PAPPA2: variants seen among roughly 807,000 people sequenced by gnomAD.
PAPPA2 encodes pappalysin 2, also known as pappalysin-2.
In PAPPA2, 86 loss-of-function variants were observed where a neutral mutation model predicts 176.4. The observed-to-expected ratio is 0.49, with a 90% confidence interval of 0.41 to 0.58. The LOEUF is 0.58. PAPPA2 is among the 20% of genes least tolerant of loss of function. PAPPA2 has a pLI of 0.00. For synonymous variants in PAPPA2, 809 were observed against 852.2 expected (o/e 0.95, Z 0.88); for missense variants, 2,073 against 2,256.9 (o/e 0.92, Z 1.65).
At chr1:176,794,992 CA>C (rs1450179421) in intron 20 of PAPPA2, among the ~76,000 whole-genome samples, 3 of 152,130 alleles carry the variant, frequency 2.0e-5, no homozygotes, top group Non-Finnish European at 4.4e-5. Context: ...GCAGTTGCGA[CA>C]GGCAGGGGGC....
intron 3 of PAPPA2, among the ~76,000 whole-genome samples, chr1:176,656,060 T>C (rs1658013701): frequency 6.6e-6 from 1 of 151,786 alleles, no homozygotes; most frequent in Non-Finnish European, 1.5e-5. Context: ...TTTTCAGAAA[T>C]AGATTTCTGA....
chr1:176,671,497 G>A (rs1277952824), intron 4 of PAPPA2, among the ~76,000 whole-genome samples: 1 of 152,106 alleles, frequency 6.6e-6, no homozygotes, highest in Non-Finnish European at 1.5e-5. Context: ...AAGACTGATG[G>A]GCTTCTTGTA....
chr1:176,740,174 G>C lies in PAPPA2; in HGVS notation c.4129G>C (p.Gly1377Arg), dbSNP rs868681972. 6 of 1,613,644 alleles carry C rather than the reference G, an allele frequency of 3.7e-6. No individual in the cohort carries two copies. The highest frequency in any genetic ancestry group is 5.1e-6 in the Non-Finnish European group (6 of 1,179,796). ...APSNCISEDE[G>R]QNHQGQSCIH... ...CAGTAACTGCATCTCAGAGGACGAG[G>C]GGCAGAATCATCAGGGACAGAGGTA... The change falls in exon 14 of 23, where the codon GGG becomes CGG. Residue 1377 changes from glycine to arginine, a missense_variant. Coordinates refer to ENST00000367662, the MANE Select transcript of PAPPA2 (RefSeq NM_020318.3).
chr1:176,521,245 A>G (rs1334485480), intron 1 of PAPPA2, among the ~76,000 whole-genome samples: 2 of 152,216 alleles, frequency 1.3e-5, no homozygotes, highest in Non-Finnish European at 2.9e-5. Flanking sequence ...GACTTCGCCA[A>G]TATAATGTAG....
intron 7 of PAPPA2, among the ~76,000 whole-genome samples, chr1:176,697,585 T>G (rs916310491): frequency 2.0e-5 from 3 of 152,200 alleles, no homozygotes; most frequent in African/African-American, 4.8e-5. Context: ...AACTATTTTC[T>G]AAATGCTATG....
intron 3 of PAPPA2, among the ~76,000 whole-genome samples, chr1:176,613,507 A>G (rs1425607753): frequency 6.6e-6 from 1 of 152,198 alleles, no homozygotes; most frequent in East Asian, 1.9e-4. Context: ...GGTATTAGGC[A>G]AGAAGCAGAG....
At chr1:176,587,130 GTTGT>G (rs1400634988) in intron 2 of PAPPA2, among the ~76,000 whole-genome samples, 14 of 151,586 alleles carry the variant, frequency 9.2e-5, no homozygotes, top group South Asian at 8.3e-4. Flanking sequence ...TTTTTGATGG[GTTGT>G]TTGTTTTTTT....
In PAPPA2 at chr1:176,556,890, A is replaced by T; in HGVS notation, c.568A>T (p.Arg190Trp). The T allele has an allele frequency of 6.2e-7, 1 of 1,614,096 alleles. No individual in the cohort carries two copies. Among genetic ancestry groups the T allele is most frequent in the Non-Finnish European group, 8.5e-7 (1 of 1,180,018 alleles). ...LNEPKPETQR[R>W]GWAKSRQRRQ... Reference sequence around the variant, plus strand: ...CGAACCCAAACCAGAGACCCAAAGGAGGGGCTGGGCCAAGTCCAGGCAGCG... The same window carrying T: ...CGAACCCAAACCAGAGACCCAAAGGTGGGGCTGGGCCAAGTCCAGGCAGCG... The change falls in exon 2 of 23, where the codon AGG becomes TGG. Residue 190 changes from arginine (R) to tryptophan (W), a missense_variant. By Grantham distance (101) the Arg-to-Trp change is moderately radical. This residue lies in a region of PAPPA2 where 1,196 missense variants were observed against 1,330.4 expected (regional missense o/e 0.90). Coordinates refer to ENST00000367662, the MANE Select transcript of PAPPA2 (RefSeq NM_020318.3).
At position 176,616,574 on chromosome 1, in the gene PAPPA2, A is replaced by G. The variant is rs571056124; in HGVS notation, c.1991+20979A>G. On this transcript the variant is annotated intron_variant, in intron 3 of 22. Transcript: ENST00000367662. ...CAATCTGGTTGGATGGTGGTGCACC[A>G]TCACCAAAAGGCCAATTGAGAACAT... 6.1e-4 allele frequency: 927 copies of G among 1,511,544 alleles called. 5 individuals carry two copies. In the African/African-American group the frequency reaches 0.012, roughly 20 times the overall value. 93.6% of individuals were successfully genotyped at this position (1,511,544 alleles called of 1,614,324 possible).
intron 2 of PAPPA2, among the ~76,000 whole-genome samples, chr1:176,582,050 A>T (rs904569847): frequency 1.3e-5 from 2 of 150,118 alleles, no homozygotes; most frequent in African/African-American, 2.5e-5. Flanking sequence ...CAGCCTCCCG[A>T]GTAGCTGGGA....
At chr1:176,647,026 C>T (rs914698097) in intron 3 of PAPPA2, among the ~76,000 whole-genome samples, 3 of 151,464 alleles carry the variant, frequency 2.0e-5, no homozygotes, top group Non-Finnish European at 3.0e-5. Flanking sequence ...ATATTCTTAC[C>T]TACTGTATAT....
intron 3 of PAPPA2, among the ~76,000 whole-genome samples, chr1:176,618,445 G>C (rs1167387213): frequency 6.6e-6 from 1 of 152,132 alleles, no homozygotes; most frequent in Non-Finnish European, 1.5e-5. Flanking sequence ...CCACTCAAAT[G>C]AACTGAGAAA....
chr1:176,591,014 G>GA (rs1283220703), intron 2 of PAPPA2, among the ~76,000 whole-genome samples: 1 of 151,594 alleles, frequency 6.6e-6, no homozygotes, highest in African/African-American at 2.4e-5. Context: ...GATTTATTTG[G>GA]AAAGCTTAAG....
intron 3 of PAPPA2, among the ~76,000 whole-genome samples, chr1:176,631,328 AG>A (rs1656328085): frequency 1.3e-5 from 2 of 152,220 alleles, no homozygotes; most frequent in African/African-American, 4.8e-5. Context: ...CATACCCAGA[AG>A]AGAAAAATCT....
At chr1:176,717,309 A>G (rs1210848795) in intron 12 of PAPPA2, among the ~76,000 whole-genome samples, 1 of 152,192 alleles carries the variant, frequency 6.6e-6, no homozygotes, top group Non-Finnish European at 1.5e-5. Flanking sequence ...GCTCATTAGC[A>G]TAAAGACACT....
intron 14 of PAPPA2, among the ~76,000 whole-genome samples, chr1:176,742,790 T>A (rs915391102): frequency 6.6e-6 from 1 of 152,162 alleles, no homozygotes; most frequent in African/African-American, 2.4e-5. Flanking sequence ...CTGGGCATAG[T>A]GAGAGGGATT....
At position 176,692,072 on chromosome 1, in the gene PAPPA2, G is replaced by A. The variant is rs1404609270; in HGVS notation, c.2432-54G>A. The A allele has an allele frequency of 2.0e-6, 3 of 1,506,302 alleles. No individual in the cohort carries two copies. The African/African-American group carries it at 4.1e-5, about 21-fold the overall frequency. 93.3% of individuals were successfully genotyped at this position (1,506,302 alleles called of 1,614,324 possible). On this transcript the variant is annotated intron_variant, in intron 5 of 22. Transcript: ENST00000367662. Reference sequence around the variant, plus strand: ...GACACAAATTTATCCCTGCCTTGGTGGACTTGATGGGTTAAAATCTCCATC... The same window carrying A: ...GACACAAATTTATCCCTGCCTTGGTAGACTTGATGGGTTAAAATCTCCATC...
At chr1:176,582,216 C>T (rs547221709) in intron 2 of PAPPA2, among the ~76,000 whole-genome samples, 3 of 152,202 alleles carry the variant, frequency 2.0e-5, no homozygotes, top group Non-Finnish European at 2.9e-5. Context: ...CATGAGCCAC[C>T]GCGCCCGGCC....
chr1:176,777,302 C>G (rs1664500640), intron 17 of PAPPA2, among the ~76,000 whole-genome samples: 1 of 152,114 alleles, frequency 6.6e-6, no homozygotes, highest in Non-Finnish European at 1.5e-5. Flanking sequence ...ATTTAGGGCA[C>G]TGTTAGAGTA....
Sources: gnomAD v4.1 joint callset for allele counts (sites outside exome capture counted in the v4.1 genomes callset) on GRCh38, gnomAD v4.1.1 for gene constraint, gnomAD v4.1.1 regional missense constraint, MANE v1.5 for transcripts, NCBI Gene and HGNC (gene_info 2026-07-23, HGNC 2026-07-21) for gene names.